The following ZNF407 variants were observed in gnomAD, a reference collection of about 807,000 sequenced individuals.
ZNF407 encodes the protein zinc finger protein 407.
Under a neutral mutation model 131.2 loss-of-function variants are expected in ZNF407, and 17 were observed. That is an observed-to-expected ratio of 0.13 (90% CI 0.09 to 0.19). The LOEUF is 0.19. Ranked by LOEUF, ZNF407 falls within the 10% of genes least tolerant of loss-of-function variation. ZNF407 has a pLI of 1.00. For synonymous variants in ZNF407, 1,156 were observed against 1,062.0 expected (o/e 1.09, Z -1.72); for missense variants, 2,681 against 2,830.6 (o/e 0.95, Z 1.20).
chr18:74,715,004 T>A (rs754696811), intron 3 of ZNF407, among the ~76,000 whole-genome samples: 7 of 152,208 alleles, frequency 4.6e-5, no homozygotes, highest in Non-Finnish European at 7.3e-5. Flanking sequence ...TTGTCTCTGC[T>A]CCCTGGGTAG....
chr18:74,749,161 C>T (rs1049556985), intron 3 of ZNF407, among the ~76,000 whole-genome samples: 15 of 152,148 alleles, frequency 9.9e-5, no homozygotes, highest in African/African-American at 3.6e-4. Flanking sequence ...TGCCACTGTA[C>T]CATGCAAAAT....
At chr18:74,823,366 A>G (rs1312969265) in intron 4 of ZNF407, among the ~76,000 whole-genome samples, 2 of 152,204 alleles carry the variant, frequency 1.3e-5, no homozygotes, top group East Asian at 3.9e-4. Flanking sequence ...TAACAATATT[A>G]ACCTTAAATG....
chr18:74,956,558 C>T (rs1599262806), intron 8 of ZNF407, among the ~76,000 whole-genome samples: 2 of 152,256 alleles, frequency 1.3e-5, no homozygotes, highest in South Asian at 4.2e-4. Context: ...TGTGTCCTGA[C>T]ATAATATGTG....
At chr18:74,912,314 C>G (rs1024749808) in intron 7 of ZNF407, among the ~76,000 whole-genome samples, 2 of 152,036 alleles carry the variant, frequency 1.3e-5, no homozygotes, top group African/African-American at 2.4e-5. Flanking sequence ...AGCTGACAAC[C>G]ACTGTCCCGT....
At chr18:74,789,485 T>C (rs1423620115) in intron 4 of ZNF407, among the ~76,000 whole-genome samples, 2 of 152,124 alleles carry the variant, frequency 1.3e-5, no homozygotes, top group African/African-American at 4.8e-5. Context: ...GAGGAGAATA[T>C]GGGCATATCA....
chr18:75,049,604 G>A (rs1365882582), intron 8 of ZNF407, among the ~76,000 whole-genome samples: 6 of 152,096 alleles, frequency 3.9e-5, no homozygotes, highest in Non-Finnish European at 8.8e-5. Context: ...TCGCGTTTCA[G>A]TTTCTGAATC....
chr18:74,969,590 G>A (rs543565113), intron 8 of ZNF407, among the ~76,000 whole-genome samples: 20 of 152,154 alleles, frequency 1.3e-4, no homozygotes, highest in Admixed American at 8.5e-4. Flanking sequence ...CCCTGGCCAG[G>A]TCACCAGGTG....
intron 4 of ZNF407, chr18:74,803,860 A>G: frequency 1.6e-6 from 2 of 1,244,162 alleles, no homozygotes; most frequent in East Asian, 5.1e-5. Context: ...GCATGGTTTC[A>G]AAAAGGTCAG....
At chr18:74,750,509 T>C (rs1177701977) in intron 3 of ZNF407, among the ~76,000 whole-genome samples, 1 of 152,186 alleles carries the variant, frequency 6.6e-6, no homozygotes, top group Non-Finnish European at 1.5e-5. Context: ...AACTGGCATG[T>C]TTTCATGATT....
chr18:74,630,167 CTTTTTTTT>C (rs1183755965), intron 1 of ZNF407, among the ~76,000 whole-genome samples: 1 of 120,272 alleles, frequency 8.3e-6, no homozygotes, highest in African/African-American at 3.2e-5. Context: ...ACAGTGGTGT[CTTTTTTTT>C]TTTTTTTTTT....
intron 8 of ZNF407, among the ~76,000 whole-genome samples, chr18:75,007,876 ATCAC>A (rs1416745187): frequency 6.6e-6 from 1 of 152,242 alleles, no homozygotes; most frequent in African/African-American, 2.4e-5. Context: ...GAGGCAGCCC[ATCAC>A]TCACTCAGGT....
intron 8 of ZNF407, among the ~76,000 whole-genome samples, chr18:74,973,463 G>C (rs1972495407): frequency 6.6e-6 from 1 of 152,170 alleles, no homozygotes; most frequent in African/African-American, 2.4e-5. Flanking sequence ...TAGGCTAGTG[G>C]TGTAGGCCAA....
intron 4 of ZNF407, among the ~76,000 whole-genome samples, chr18:74,793,392 T>A (rs1969861890): frequency 6.6e-6 from 1 of 152,212 alleles, no homozygotes; most frequent in Admixed American, 6.5e-5. Flanking sequence ...GTTTTGTGTC[T>A]TGAGGCGTGA....
rs1045385947 is a variant in ZNF407 at position 75,064,314 on chromosome 18, AACTC to A, written c.6594_6597del (p.Glu2198AspfsTer8). ...GTGCTGGAGACTGCGGACTCGCAGG[AACTC>A]CTGCAGGCCGGGGCCACGCTAGGCA... On this transcript the variant is annotated frameshift_variant, in exon 9 of 9. Coordinates refer to ENST00000299687, the MANE Select transcript of ZNF407 (RefSeq NM_017757.3). LOFTEE classifies it low-confidence loss of function (END_TRUNC). The A allele has an allele frequency of 1.4e-5, 23 of 1,601,288 alleles. No homozygotes were observed. Among genetic ancestry groups the A allele is most frequent in the Non-Finnish European group, 2.0e-5 (23 of 1,174,796 alleles).
chr18:74,713,766 A>G (rs542299426), intron 3 of ZNF407, among the ~76,000 whole-genome samples: 1 of 152,286 alleles, frequency 6.6e-6, no homozygotes, highest in South Asian at 2.1e-4. Flanking sequence ...TTAAATTACT[A>G]TTGGGTATTT....
intron 3 of ZNF407, among the ~76,000 whole-genome samples, chr18:74,654,789 GAA>G (rs1179850313): frequency 6.6e-6 from 1 of 151,652 alleles, no homozygotes; most frequent in African/African-American, 2.4e-5. Context: ...TGGTTTCTTA[GAA>G]ACATATTAAA....
At chr18:74,704,227 CGCTTCGTGG>C (rs1967569813) in intron 3 of ZNF407, among the ~76,000 whole-genome samples, 1 of 152,168 alleles carries the variant, frequency 6.6e-6, no homozygotes, top group Non-Finnish European at 1.5e-5. Context: ...GCCATCGCTG[CGCTTCGTGG>C]GCTTCCACAC....
At chr18:74,865,030 TC>T (rs1970991249) in intron 4 of ZNF407, among the ~76,000 whole-genome samples, 1 of 152,186 alleles carries the variant, frequency 6.6e-6, no homozygotes, top group Non-Finnish European at 1.5e-5. Flanking sequence ...TAATATGAGT[TC>T]CCTGCATCTG....
At chr18:74,622,263 A>G (rs746695426) in intron 1 of ZNF407, among the ~76,000 whole-genome samples, 8 of 152,222 alleles carry the variant, frequency 5.3e-5, no homozygotes, top group Admixed American at 2.0e-4. Flanking sequence ...TGATGGCTCT[A>G]TTAAATGAGG....
Sources: allele counts gnomAD v4.1 joint callset (sites outside exome capture counted in the v4.1 genomes callset), GRCh38; gene constraint gnomAD v4.1.1; transcripts MANE v1.5; gene names NCBI Gene and HGNC (gene_info 2026-07-23, HGNC 2026-07-21).